The following BAZ2A variants were observed in gnomAD, a reference collection of about 807,000 sequenced individuals.
BAZ2A encodes the protein bromodomain adjacent to zinc finger domain protein 2A.
Under a neutral mutation model 199.9 loss-of-function variants are expected in BAZ2A, and 34 were observed. The observed-to-expected ratio is 0.17, with a 90% CI of 0.13 to 0.23. The LOEUF (loss-of-function observed/expected upper bound fraction) is 0.23. Ranked by LOEUF, BAZ2A falls within the 10% of genes least tolerant of loss-of-function variation. The pLI is 1.00. For synonymous variants in BAZ2A, 857 were observed against 883.9 expected (o/e 0.97, Z 0.54); for missense variants, 2,002 against 2,391.1 (o/e 0.84, Z 3.39).
At chr12:56,617,248 C>CA (rs953174467) in intron 2 of BAZ2A, 147 bp downstream of exon 2, 24 of 1,021,250 alleles carry the variant, frequency 2.4e-5, no homozygotes, top group Admixed American at 7.8e-5. Context: ...TAAATCAATA[C>CA]AAAAAATGTT....
intron 1 of BAZ2A, among the ~76,000 whole-genome samples, chr12:56,620,627 T>C (rs1325084081): frequency 2.0e-5 from 3 of 149,424 alleles, no homozygotes; most frequent in African/African-American, 7.5e-5. Context: ...GGGTGTGATC[T>C]CGGCTCACTG....
chr12:56,624,596 C>A (rs1951021325), intron 1 of BAZ2A, among the ~76,000 whole-genome samples: 1 of 148,240 alleles, frequency 6.7e-6, no homozygotes. Context: ...ATGGGCTTTG[C>A]TCTTACTATT....
chr12:56,630,340 A>AG (rs1951272500), upstream of BAZ2A: 3 of 956,906 alleles, frequency 3.1e-6, no homozygotes, highest in African/African-American at 5.3e-5. Flanking sequence ...TCGGAGCCGG[A>AG]GGGGGCGGAG....
Position 56,612,023 on chromosome 12 carries a change from G to A in BAZ2A, c.1359C>T (p.Pro453=), listed in dbSNP as rs891825237. The change falls in exon 6 of 29, where the codon CCC becomes CCT. Residue 453 remains proline, a synonymous_variant. Transcript: ENST00000549884. The part of the protein sequence containing the change: ...ASPEISPEVC[P]AASTVVSPAV... Reference sequence around the variant, plus strand: ...CTGGAGAGACAACTGTAGAAGCTGCGGGACAAACTTCTGGAGAGATTTCTG... The same window carrying A: ...CTGGAGAGACAACTGTAGAAGCTGCAGGACAAACTTCTGGAGAGATTTCTG... The A allele has an allele frequency of 6.8e-6, 11 of 1,613,388 alleles. No individual in the cohort carries two copies. The highest frequency in any genetic ancestry group is 5.3e-5 in the African/African-American group (4 of 74,778).
upstream of BAZ2A, chr12:56,635,007 G>A (rs1205134657): frequency 3.0e-6 from 3 of 984,620 alleles, no homozygotes; most frequent in Middle Eastern, 5.2e-4. This position sits in a 1 kb window ranked among gnomAD's most constrained non-coding sequence, Gnocchi z 4.1. Flanking sequence ...GCCGAGCCGG[G>A]CGGCGGCTGC....
chr12:56,598,615 GC>G lies in BAZ2A; in HGVS notation c.*2del, dbSNP rs755887089. The stretch of plus-strand genomic sequence containing the variant: ...CACAAGGTGACTCCCCACCTCCCTT[GC>G]CTCACAGATTGGCCTGTTTTCCCTG... On this transcript the variant is annotated 3_prime_UTR_variant, in exon 29 of 29. Coordinates refer to ENST00000549884, the MANE Select transcript of BAZ2A (RefSeq NM_001300905.2). 6.2e-7 allele frequency: 1 copy of G among 1,612,996 alleles called. No homozygotes were observed. Among genetic ancestry groups the G allele is most frequent in the East Asian group, 2.2e-5 (1 of 44,868 alleles).
At chr12:56,627,678 T>C (rs1951145493) in intron 1 of BAZ2A, among the ~76,000 whole-genome samples, 2 of 150,724 alleles carry the variant, frequency 1.3e-5, no homozygotes, top group Non-Finnish European at 3.0e-5. Context: ...TACAAAAAAT[T>C]AGCTGGATGT....
At chr12:56,615,790 G>A (rs950387898) in intron 2 of BAZ2A, among the ~76,000 whole-genome samples, 183 bp from the exon 3 acceptor site, 1 of 152,152 alleles carries the variant, frequency 6.6e-6, no homozygotes, top group African/African-American at 2.4e-5. Flanking sequence ...CTGGATGTAG[G>A]TTTAGCAACT....
intron 10 of BAZ2A, among the ~76,000 whole-genome samples, chr12:56,607,581 C>T (rs1200473547): frequency 6.6e-6 from 1 of 152,156 alleles, no homozygotes; most frequent in Non-Finnish European, 1.5e-5. Flanking sequence ...CCGTTTTAGC[C>T]ATGACGGTCT....
In BAZ2A at chr12:56,605,347, T is replaced by C. The variant is rs765436923; in HGVS notation, c.2494-20A>G. 1 of 1,587,664 alleles carries C rather than the reference T, an allele frequency of 6.3e-7. No homozygotes were observed. The highest frequency in any genetic ancestry group is 2.3e-5 in the East Asian group (1 of 44,316). On this transcript the variant is annotated intron_variant, in intron 13 of 28. Coordinates refer to ENST00000549884, the MANE Select transcript of BAZ2A (RefSeq NM_001300905.2). Reference sequence around the variant, plus strand: ...CAGGGGCTAGAGAGAGAAAAGTGAGTAGAGAGTTCTGTTAAACATAACAGA... The same window carrying C: ...CAGGGGCTAGAGAGAGAAAAGTGAGCAGAGAGTTCTGTTAAACATAACAGA...
At chr12:56,635,113 A>G (rs1412092196), upstream of BAZ2A, 3 of 895,618 alleles carry the variant, frequency 3.3e-6, no homozygotes, top group East Asian at 2.4e-4. The surrounding 1 kb of genome is among the most constrained non-coding windows in gnomAD (Gnocchi z 4.1). Context: ...CGCTCAGGAG[A>G]GCAGTCGCGA....
chr12:56,600,830 G>C lies in BAZ2A; in HGVS notation c.4453C>G (p.Pro1485Ala), dbSNP rs187818061. The C allele has an allele frequency of 2.9e-5, 46 of 1,613,540 alleles. 2 individuals carry two copies. The South Asian group carries it at 4.6e-4, about 16-fold the overall frequency. Residue 1485 changes from proline to alanine, a missense_variant and splice_region_variant, in exon 23 of 29, where the codon CCC becomes GCC. Transcript: ENST00000549884. ...QEVCLRPSAD[P>A]IFEPRQLPAF... Reference sequence around the variant, plus strand: ...GGTAGTTGCCTGGGCTCAAAGATGGGGTCTGAGAAGAGAGGTGGCAGAGGG... The same window carrying C: ...GGTAGTTGCCTGGGCTCAAAGATGGCGTCTGAGAAGAGAGGTGGCAGAGGG...
At chr12:56,616,547 G>A (rs1345828544) in intron 2 of BAZ2A, among the ~76,000 whole-genome samples, 2 of 152,170 alleles carry the variant, frequency 1.3e-5, no homozygotes, top group African/African-American at 4.8e-5. Context: ...TTTGTGTGCT[G>A]TAGAATTCAG....
rs781267880 is a variant in BAZ2A at position 56,609,782 on chromosome 12, T to C, written c.2046A>G (p.Leu682=). The C allele has an allele frequency of 1.2e-5, 19 of 1,613,846 alleles. No homozygotes were observed. In the African/African-American group the frequency reaches 2.3e-4, roughly 19 times the overall value. The change falls in exon 10 of 29, where the codon CTA becomes CTG. Residue 682 remains leucine (L), a synonymous_variant. Coordinates refer to ENST00000549884, the MANE Select transcript of BAZ2A (RefSeq NM_001300905.2). The part of the protein sequence containing the change: ...GRPPKVKITE[L]LNKTDNRPLK... ...GGGGGCGGTTGTCTGTCTTGTTCAA[T>C]AGCTCAGTGATTTTGACCTTAGGTG...
intron 3 of BAZ2A, 62 bp from the exon 4 acceptor site, chr12:56,614,200 A>G: frequency 6.7e-7 from 1 of 1,496,564 alleles, no homozygotes; most frequent in Non-Finnish European, 9.2e-7. Flanking sequence ...TCACTTAGCT[A>G]TACTAGGCAG....
rs767343757 is a variant in BAZ2A at position 56,602,036 on chromosome 12, T to A, written c.3581A>T (p.Lys1194Met). ...ARARGRPRKT[K>M]PGSMQPRHLK... ...ATGCCTAGGTTGCATAGACCCGGGC[T>A]TAGTTTTTCGAGGTCGGCCTCGGGC... The change falls in exon 20 of 29, where the codon AAG (lysine) becomes ATG (methionine). Residue 1194 changes from lysine (K) to methionine (M), a missense_variant. Physicochemically the swap from Lys to Met is moderately conservative, Grantham distance 95. Around this residue, in one of 6 missense-constraint regions of BAZ2A, gnomAD observed 1,081 missense variants for 1,274.7 expected, o/e 0.85. Coordinates refer to ENST00000549884, the MANE Select transcript of BAZ2A (RefSeq NM_001300905.2). 4 of 1,555,160 alleles carry A rather than the reference T, an allele frequency of 2.6e-6. No homozygotes were observed. The South Asian group carries it at 4.7e-5, about 18-fold the overall frequency.
At chr12:56,636,197 A>G (rs753110462) in exon 1 of BAZ2A, 1 of 1,593,782 alleles carries the variant, frequency 6.3e-7, no homozygotes, top group Admixed American at 1.7e-5. Context: ...TCAGGCTGGC[A>G]CAGCTCCAGG....
intron 1 of BAZ2A, among the ~76,000 whole-genome samples, chr12:56,626,225 C>G (rs1951093980): frequency 6.6e-6 from 1 of 152,068 alleles, no homozygotes; most frequent in Non-Finnish European, 1.5e-5. Flanking sequence ...ATGAGGACAC[C>G]AACATCCTAA....
chr12:56,611,869 T>C lies in BAZ2A; in HGVS notation c.1513A>G (p.Thr505Ala), dbSNP rs764861096. 3.7e-6 allele frequency: 6 copies of C among 1,602,236 alleles called. No individual in the cohort carries two copies. The highest frequency in any genetic ancestry group is 2.7e-5 in the African/African-American group (2 of 74,348). ...PVTSPAAAFP[T>A]ASPANKDVSS... is the part of the protein sequence containing the mutation. ...ACATCCTTATTTGCTGGGGAGGCTG[T>C]TGGAAAGGCAGCTGCTGGGGAAGTT... Residue 505 changes from threonine (T) to alanine (A), a missense_variant, in exon 6 of 29, where the codon ACA becomes GCA. Thr to Ala is a moderately conservative substitution (Grantham distance 58). Transcript: ENST00000549884.
Sources: allele counts gnomAD v4.1 joint callset (sites outside exome capture counted in the v4.1 genomes callset), GRCh38; gene constraint gnomAD v4.1.1; regional missense constraint gnomAD v4.1.1; non-coding constraint Gnocchi (gnomAD v3.1); transcripts MANE v1.5; gene names NCBI Gene and HGNC (gene_info 2026-07-23, HGNC 2026-07-21).